Variants in ARHGEF12 observed in about 807,000 individuals in gnomAD.
ARHGEF12 encodes the protein Rho guanine nucleotide exchange factor 12, also known as KMT2A/ARHGEF12 fusion protein.
A neutral mutation model predicts 211.2 loss-of-function variants in ARHGEF12; 66 were observed. The ratio of observed to expected loss-of-function variants is 0.31; its 90% confidence interval spans 0.26 to 0.38. The LOEUF (loss-of-function observed/expected upper bound fraction) is 0.38, where lower values mean the gene tolerates loss of function less well. ARHGEF12 is among the 10% of genes least tolerant of loss of function. ARHGEF12 has a pLI of 1.00. For synonymous variants in ARHGEF12, 592 were observed against 638.4 expected (o/e 0.93, Z 1.09); for missense variants, 1,429 against 1,869.5 (o/e 0.76, Z 4.34).
intron 11 of ARHGEF12, among the ~76,000 whole-genome samples, chr11:120,433,603 C>A (rs1945609614): frequency 6.6e-6 from 1 of 152,142 alleles, no homozygotes; most frequent in Non-Finnish European, 1.5e-5. Flanking sequence ...TGAATTTTAT[C>A]TTGTATTTAG....
rs1045769368 is a variant in ARHGEF12, at chr11:120,442,214, A to G, written c.1302+12A>G. ...TAGATCGATCAGCAGTAAGTTGCCA[A>G]GTTAATGTTGTAATCTTTGCCTTAG... On this transcript the variant is annotated intron_variant, in intron 15 of 40. Transcript: ENST00000397843. The G allele has an allele frequency of 4.4e-6, 7 of 1,583,626 alleles. No individual in the cohort carries two copies. Among genetic ancestry groups the G allele is most frequent in the Non-Finnish European group, 6.0e-6 (7 of 1,160,430 alleles).
At chr11:120,343,315 T>C (rs1227892641) in intron 1 of ARHGEF12, among the ~76,000 whole-genome samples, 5 of 152,226 alleles carry the variant, frequency 3.3e-5, no homozygotes, top group Admixed American at 3.3e-4. Flanking sequence ...TGTATTTTGG[T>C]AATACTAAAA....
chr11:120,346,583 G>A (rs768081694), intron 1 of ARHGEF12, among the ~76,000 whole-genome samples: 8 of 152,214 alleles, frequency 5.3e-5, no homozygotes, highest in South Asian at 2.1e-4. Flanking sequence ...AGATAAGGCT[G>A]TATAATCCTC....
intron 22 of ARHGEF12, among the ~76,000 whole-genome samples, chr11:120,454,258 A>T (rs1422552033): frequency 6.6e-6 from 1 of 152,250 alleles, no homozygotes; most frequent in Non-Finnish European, 1.5e-5. Context: ...GACGTAAGAT[A>T]ATATATAATG....
intron 4 of ARHGEF12, 32 bp downstream of exon 4, chr11:120,409,482 T>G (rs1394693957): frequency 1.0e-5 from 16 of 1,606,008 alleles, no homozygotes; most frequent in Non-Finnish European, 1.4e-5. Context: ...AGCCTTGCCC[T>G]TTGGAGCTTG....
chr11:120,388,410 GA>G (rs1944105373), intron 1 of ARHGEF12, among the ~76,000 whole-genome samples: 1 of 152,118 alleles, frequency 6.6e-6, no homozygotes, highest in Admixed American at 6.6e-5. Context: ...AGACTATTAG[GA>G]ATAAGTTTGC....
intron 1 of ARHGEF12, among the ~76,000 whole-genome samples, chr11:120,386,657 G>A (rs1192818743): frequency 1.3e-5 from 2 of 152,100 alleles, no homozygotes; most frequent in African/African-American, 4.8e-5. Flanking sequence ...CATTTTTGGT[G>A]CAAGCATATA....
intron 1 of ARHGEF12, chr11:120,365,773 C>T (rs1054583123): frequency 6.6e-6 from 1 of 152,126 alleles, no homozygotes; most frequent in African/African-American, 2.4e-5. Flanking sequence ...AGTTTATTTG[C>T]ACCACTTCTG....
Position 120,347,132 on chromosome 11 carries a change from TTTCC to T in ARHGEF12, c.32+9908_32+9911del, listed in dbSNP as rs71050738. Among the ~76,000 whole-genome samples the T allele has an allele frequency of 7.0e-3, 805 of 115,496 alleles. 25 individuals carry two copies. Among genetic ancestry groups the T allele is most frequent in the Non-Finnish European group, 9.5e-3 (525 of 55,002 alleles). The allele number at this position is 115,496 out of a possible 152,430, so 75.8% of individuals were successfully genotyped here. On this transcript the variant is annotated intron_variant, in intron 1 of 40. Transcript: ENST00000397843. ...TCCAGCCTCTCCCTTTCTTTCTTTC[TTTCC>T]TTCCTTCCTTCCTTCCTTCCTTCCT... is the stretch of plus-strand genomic sequence containing the variant.
intron 1 of ARHGEF12, among the ~76,000 whole-genome samples, chr11:120,347,679 A>T (rs905723462): frequency 6.6e-6 from 1 of 152,206 alleles, no homozygotes; most frequent in East Asian, 1.9e-4. Context: ...GAAAGCCTCC[A>T]TTTTGATTCA....
At chr11:120,448,000 C>G (rs1946095332) in intron 19 of ARHGEF12, 94 bp downstream of exon 19, 1 of 1,026,274 alleles carries the variant, frequency 9.7e-7, no homozygotes, top group Non-Finnish European at 1.4e-6. Context: ...TTTCTTTTAA[C>G]TTACAAATAC....
At chr11:120,396,965 C>T (rs1944409389) in intron 1 of ARHGEF12, among the ~76,000 whole-genome samples, 1 of 152,212 alleles carries the variant, frequency 6.6e-6, no homozygotes, top group African/African-American at 2.4e-5. Context: ...GTGCTTTTCA[C>T]ATACTACCTA....
intron 27 of ARHGEF12, 34 bp from the exon 28 acceptor site, chr11:120,465,203 A>G (rs930754330): frequency 4.3e-6 from 7 of 1,611,800 alleles, no homozygotes; most frequent in East Asian, 2.2e-5. Flanking sequence ...TCAGTTTCCC[A>G]TTCTCTTTTG....
At chr11:120,462,188 C>T (rs559320756) in intron 27 of ARHGEF12, among the ~76,000 whole-genome samples, 1 of 152,242 alleles carries the variant, frequency 6.6e-6, no homozygotes, top group South Asian at 2.1e-4. Context: ...CACTTGAACC[C>T]CTAAAGACCA....
At chr11:120,431,950 T>A in intron 11 of ARHGEF12, 39 bp downstream of exon 11, 2 of 1,535,214 alleles carry the variant, frequency 1.3e-6, no homozygotes, top group Non-Finnish European at 1.8e-6. Flanking sequence ...TCTTCTGTAT[T>A]CTTCTTTACA....
chr11:120,351,798 A>G (rs957774896), intron 1 of ARHGEF12, among the ~76,000 whole-genome samples: 2 of 151,982 alleles, frequency 1.3e-5, no homozygotes, highest in Admixed American at 1.3e-4. Flanking sequence ...AGTACATATT[A>G]AGTACTGCTC....
chr11:120,375,299 C>T (rs761238717), intron 1 of ARHGEF12, among the ~76,000 whole-genome samples: 4 of 152,086 alleles, frequency 2.6e-5, no homozygotes, highest in Non-Finnish European at 4.4e-5. Context: ...TTGAGATTGA[C>T]GTCAGAACAC....
At chr11:120,472,176 A>G (rs1222832813) in intron 30 of ARHGEF12, among the ~76,000 whole-genome samples, 2 of 152,314 alleles carry the variant, frequency 1.3e-5, no homozygotes, top group African/African-American at 2.4e-5. Flanking sequence ...CTACCATTTC[A>G]ATGAGGAATA....
intron 1 of ARHGEF12, among the ~76,000 whole-genome samples, chr11:120,347,270 C>G (rs113494322): frequency 0.067 from 5,342 of 79,748 alleles, 301 homozygotes; most frequent in South Asian, 0.22. Context: ...CTCTCTCTGT[C>G]TGTGTGTGTG....
Sources: allele counts gnomAD v4.1 joint callset (sites outside exome capture counted in the v4.1 genomes callset), GRCh38; gene constraint gnomAD v4.1.1; transcripts MANE v1.5; gene names NCBI Gene and HGNC (gene_info 2026-07-23, HGNC 2026-07-21).